The following RSRC1 variants were observed in gnomAD, a reference collection of about 807,000 sequenced individuals.
The protein encoded by RSRC1 is arginine and serine rich coiled-coil 1.
A neutral mutation model predicts 49.1 loss-of-function variants in RSRC1; 39 were observed. The ratio of observed to expected loss-of-function variants is 0.79; its 90% confidence interval spans 0.61 to 1.04. RSRC1 has a LOEUF of 1.04. Ranked by LOEUF, RSRC1 falls within the 50% of genes least tolerant of loss-of-function variation. The pLI is 0.00. For missense variants in RSRC1, 388 were observed against 402.4 expected, an observed-to-expected ratio of 0.96 and a Z score of 0.31; for synonymous variants, 143 against 130.8, an observed-to-expected ratio of 1.09 and a Z score of -0.63.
At chr3:158,429,910 C>CAT (rs955303948) in intron 6 of RSRC1, among the ~76,000 whole-genome samples, 1 of 151,496 alleles carries the variant, frequency 6.6e-6, no homozygotes, top group Admixed American at 6.6e-5. Context: ...AATCAAAGGG[C>CAT]ATATATTAAT....
At chr3:158,348,285 A>T (rs1730678264) in intron 5 of RSRC1, among the ~76,000 whole-genome samples, 1 of 152,196 alleles carries the variant, frequency 6.6e-6, no homozygotes, top group Non-Finnish European at 1.5e-5. Context: ...GAGAAAGGTA[A>T]ACAAATAGTT....
chr3:158,123,303 G>A (rs1420384576), intron 2 of RSRC1, among the ~76,000 whole-genome samples: 2 of 152,122 alleles, frequency 1.3e-5, no homozygotes, highest in African/African-American at 4.8e-5. Context: ...CACCGTGCCT[G>A]GCCTTAATTT....
chr3:158,439,989 A>G (rs771277514), intron 6 of RSRC1, among the ~76,000 whole-genome samples: 3 of 151,906 alleles, frequency 2.0e-5, no homozygotes, highest in Non-Finnish European at 4.4e-5. Flanking sequence ...AAGGGGAGGG[A>G]GAGCACTGGG....
intron 8 of RSRC1, among the ~76,000 whole-genome samples, chr3:158,540,496 G>C (rs1405957008): frequency 1.3e-5 from 2 of 151,744 alleles, no homozygotes; most frequent in Non-Finnish European, 2.9e-5. Context: ...TGTCCATGAG[G>C]GAATAAATCT....
At chr3:158,258,451 C>A (rs1287847133) in intron 4 of RSRC1, among the ~76,000 whole-genome samples, 10 of 151,260 alleles carry the variant, frequency 6.6e-5, no homozygotes, top group Admixed American at 6.6e-4. Flanking sequence ...TTATTTGTTT[C>A]TTTTCTCTTG....
rs192963703 is a variant in RSRC1, at chr3:158,498,999, C to T, written c.652+37996C>T. 6.8e-4 allele frequency among the ~76,000 whole-genome samples: 104 copies of T among 152,154 alleles called. No individual in the cohort carries two copies. In the East Asian group the frequency reaches 0.02, roughly 29 times the overall value. Reference sequence around the variant, plus strand: ...CTTATAGTATAGTTTGAAATCAGGCCGTGTGATGCTTCCAGATTTGTTCTT... The same window carrying T: ...CTTATAGTATAGTTTGAAATCAGGCTGTGTGATGCTTCCAGATTTGTTCTT... On this transcript the variant is annotated intron_variant, in intron 7 of 9. Transcript: ENST00000611884.
intron 6 of RSRC1, among the ~76,000 whole-genome samples, chr3:158,380,126 A>G (rs1732622421): frequency 2.6e-5 from 4 of 152,238 alleles, no homozygotes; most frequent in Admixed American, 2.6e-4. Flanking sequence ...TTTAAAATAT[A>G]CATATTACTG....
At position 158,346,035 on chromosome 3, in the gene RSRC1, T is replaced by C. The variant is rs557226391; in HGVS notation, c.532-8822T>C. 2.2e-3 allele frequency among the ~76,000 whole-genome samples: 335 copies of C among 152,220 alleles called. 1 individual carries two copies. Among genetic ancestry groups the C allele is most frequent in the Non-Finnish European group, 4.0e-3 (272 of 67,994 alleles). ...TTAAAAAATTAATTGAAAGTCTTCA[T>C]AGAATTAAATGTAAAACAAAACTAT... On this transcript the variant is annotated intron_variant, in intron 5 of 9. Coordinates refer to ENST00000611884, the MANE Select transcript of RSRC1 (RefSeq NM_001271838.2).
chr3:158,333,572 A>AT (rs1346961616), intron 5 of RSRC1, among the ~76,000 whole-genome samples: 1 of 152,206 alleles, frequency 6.6e-6, no homozygotes, highest in Non-Finnish European at 1.5e-5. Flanking sequence ...TATTTAATAT[A>AT]TTTTTTAGGA....
At chr3:158,470,595 G>A (rs569395453) in intron 7 of RSRC1, among the ~76,000 whole-genome samples, 2 of 152,128 alleles carry the variant, frequency 1.3e-5, no homozygotes, top group South Asian at 4.2e-4. Context: ...GTAAAATTAA[G>A]AAATTGAATG....
At chr3:158,320,847 A>G (rs1424916286) in intron 5 of RSRC1, among the ~76,000 whole-genome samples, 1 of 152,300 alleles carries the variant, frequency 6.6e-6, no homozygotes, top group East Asian at 1.9e-4. Flanking sequence ...TTAAAGAGTT[A>G]TGAACTAACT....
intron 6 of RSRC1, among the ~76,000 whole-genome samples, chr3:158,439,719 T>G (rs1220620628): frequency 6.6e-6 from 1 of 151,998 alleles, no homozygotes. Context: ...ATGTAAATGT[T>G]GAGTTGATGG....
At chr3:158,535,283 G>T (rs932411839) in intron 7 of RSRC1, among the ~76,000 whole-genome samples, 1 of 151,122 alleles carries the variant, frequency 6.6e-6, no homozygotes, top group African/African-American at 2.4e-5. Flanking sequence ...CTGTTATTTT[G>T]AAAGTAATAC....
intron 4 of RSRC1, among the ~76,000 whole-genome samples, chr3:158,253,066 G>C (rs958141833): frequency 6.6e-6 from 1 of 151,218 alleles, no homozygotes; most frequent in African/African-American, 2.4e-5. Context: ...GCACTTATTG[G>C]CTTCAAATTC....
intron 7 of RSRC1, among the ~76,000 whole-genome samples, chr3:158,517,423 T>A (rs1270780715): frequency 6.6e-6 from 1 of 152,168 alleles, no homozygotes; most frequent in Non-Finnish European, 1.5e-5. Context: ...ATCGTCATCC[T>A]GTTTGTGATC....
At chr3:158,192,651 A>G (rs1425459623) in intron 3 of RSRC1, among the ~76,000 whole-genome samples, 1 of 152,060 alleles carries the variant, frequency 6.6e-6, no homozygotes, top group African/African-American at 2.4e-5. Flanking sequence ...GACAGTGCCA[A>G]TTAAGCCCTG....
chr3:158,218,023 C>T (rs567157346), intron 4 of RSRC1, among the ~76,000 whole-genome samples: 89 of 151,476 alleles, frequency 5.9e-4, no homozygotes, highest in Middle Eastern at 3.4e-3. Context: ...GACACTGATA[C>T]GAACAGGGAC....
At chr3:158,469,211 A>T (rs962125851) in intron 7 of RSRC1, 1 of 297,362 alleles carries the variant, frequency 3.4e-6, no homozygotes, top group African/African-American at 2.2e-5. Context: ...AGCCAGGAAG[A>T]CCTACATCTA....
chr3:158,287,769 T>C (rs898410893), intron 4 of RSRC1, among the ~76,000 whole-genome samples: 2 of 152,204 alleles, frequency 1.3e-5, no homozygotes, highest in African/African-American at 4.8e-5. Context: ...TAAGAATTTC[T>C]GGAGGAAAAA....
Sources: allele counts gnomAD v4.1 joint callset (sites outside exome capture counted in the v4.1 genomes callset), GRCh38; gene constraint gnomAD v4.1.1; transcripts MANE v1.5; gene names NCBI Gene and HGNC (gene_info 2026-07-23, HGNC 2026-07-21).